The following LSAMP variants were observed in gnomAD, a reference collection of about 807,000 sequenced individuals.
LSAMP encodes limbic system-associated membrane protein.
Under a neutral mutation model 38.6 loss-of-function variants are expected in LSAMP, and 7 were observed. The ratio of observed to expected loss-of-function variants is 0.18; its 90% CI spans 0.10 to 0.34. LSAMP has a LOEUF of 0.34. Ranked by LOEUF, LSAMP falls within the 10% of genes least tolerant of loss-of-function variation. LSAMP has a pLI of 1.00. For missense variants in LSAMP, 313 were observed against 420.0 expected, an observed-to-expected ratio of 0.75 and a Z score of 2.23; for synonymous variants, 154 against 166.8, an observed-to-expected ratio of 0.92 and a Z score of 0.59.
chr3:116,034,580 G>A lies in LSAMP; in HGVS notation c.389-14940C>T, dbSNP rs150452575. 2.4e-3 allele frequency among the ~76,000 whole-genome samples: 363 copies of A among 152,210 alleles called. 3 individuals are homozygous for A. The highest frequency in any genetic ancestry group is 8.3e-3 in the African/African-American group (346 of 41,538). On this transcript the variant is annotated intron_variant, in intron 2 of 6. Coordinates refer to ENST00000490035, the MANE Select transcript of LSAMP (RefSeq NM_002338.5). ...TTAGCTGTGTGATAAGGGAGTTAACGAATCTTCAATACCATGTGTAAAATT... is the reference window on the plus strand; with the variant it reads ...TTAGCTGTGTGATAAGGGAGTTAACAAATCTTCAATACCATGTGTAAAATT...
intron 1 of LSAMP, among the ~76,000 whole-genome samples, chr3:116,426,658 A>C (rs1435797638): frequency 1.3e-5 from 2 of 152,118 alleles, no homozygotes. Context: ...CCCAAACAGC[A>C]TTGCAGCACA....
intron 1 of LSAMP, among the ~76,000 whole-genome samples, chr3:116,304,628 A>C (rs1324488908): frequency 6.6e-6 from 1 of 152,152 alleles, no homozygotes; most frequent in Admixed American, 6.6e-5. Context: ...AGGTGCATGG[A>C]AAGTCAGATG....
At chr3:116,251,075 C>T (rs2046678550) in intron 1 of LSAMP, among the ~76,000 whole-genome samples, 1 of 152,210 alleles carries the variant, frequency 6.6e-6, no homozygotes, top group African/African-American at 2.4e-5. Context: ...TCACTACCCT[C>T]TTTGCTAAGA....
At chr3:116,207,011 G>A (rs1049855979) in intron 1 of LSAMP, among the ~76,000 whole-genome samples, 10 of 150,858 alleles carry the variant, frequency 6.6e-5, no homozygotes, top group African/African-American at 1.2e-4. Context: ...GGGTGTTAAA[G>A]TCTCCCATTA....
intron 6 of LSAMP, among the ~76,000 whole-genome samples, chr3:115,819,853 G>A (rs1312829341): frequency 1.3e-5 from 2 of 151,970 alleles, no homozygotes; most frequent in Non-Finnish European, 2.9e-5. Context: ...TCTTATTTTG[G>A]ACTCTTATTT....
chr3:115,811,708 C>T (rs911593714), intron 6 of LSAMP, among the ~76,000 whole-genome samples: 11 of 152,136 alleles, frequency 7.2e-5, no homozygotes. Flanking sequence ...ATTCCATGGT[C>T]TCCTAATCTA....
At chr3:116,146,360 T>C (rs1709490105) in intron 1 of LSAMP, among the ~76,000 whole-genome samples, 1 of 151,984 alleles carries the variant, frequency 6.6e-6, no homozygotes, top group Non-Finnish European at 1.5e-5. Flanking sequence ...TTCAGCTCTT[T>C]GCTACTTTTA....
intron 1 of LSAMP, among the ~76,000 whole-genome samples, chr3:116,357,844 T>G (rs911943772): frequency 6.6e-6 from 1 of 150,594 alleles, no homozygotes; most frequent in African/African-American, 2.4e-5. Context: ...CAACAGAAAA[T>G]CTTCCCTGGG....
At chr3:116,326,693 T>A (rs79626639) in intron 1 of LSAMP, among the ~76,000 whole-genome samples, 3,944 of 152,238 alleles carry the variant, frequency 0.026, 164 homozygotes, top group African/African-American at 0.086. Context: ...AATGAGGAAA[T>A]TGGTCATGGT....
chr3:116,230,021 A>C (rs2107626338), intron 1 of LSAMP, among the ~76,000 whole-genome samples: 1 of 152,316 alleles, frequency 6.6e-6, no homozygotes, highest in South Asian at 2.1e-4. Context: ...AAGCAGAGAA[A>C]GAGGCACAGA....
rs193226948 is a variant in LSAMP, at chr3:116,393,125, G to A, written c.155+51752C>T. On this transcript the variant is annotated intron_variant, in intron 1 of 6. Transcript: ENST00000490035. ...AAGAACTTGGGACCTGCTGAATGTC[G>A]AGGCTAAAAGAGCTGTAACACACAC... Among the ~76,000 whole-genome samples, 6 of 152,182 alleles carry A rather than the reference G, an allele frequency of 3.9e-5. No individual in the cohort carries two copies. In the East Asian group the frequency reaches 9.7e-4, roughly 25 times the overall value.
At chr3:115,843,502 T>C (rs572415706) in intron 4 of LSAMP, among the ~76,000 whole-genome samples, 1 of 152,298 alleles carries the variant, frequency 6.6e-6, no homozygotes, top group African/African-American at 2.4e-5. Flanking sequence ...GCCTTTCCTG[T>C]CCAAAGGTTG....
At chr3:116,209,536 G>A (rs893537126) in intron 1 of LSAMP, among the ~76,000 whole-genome samples, 7 of 152,202 alleles carry the variant, frequency 4.6e-5, no homozygotes, top group Non-Finnish European at 8.8e-5. Context: ...AGCCAGTAAG[G>A]TTCAAATTGA....
intron 4 of LSAMP, among the ~76,000 whole-genome samples, chr3:115,843,125 T>C (rs1935046660): frequency 6.6e-6 from 1 of 152,230 alleles, no homozygotes; most frequent in African/African-American, 2.4e-5. Flanking sequence ...ATTAGGTGAC[T>C]ACCTTCTTTT....
intron 2 of LSAMP, among the ~76,000 whole-genome samples, chr3:116,025,396 TCTTA>T (rs1940762756): frequency 6.6e-6 from 1 of 152,148 alleles, no homozygotes; most frequent in Non-Finnish European, 1.5e-5. Context: ...ATTCTTTGGC[TCTTA>T]CTTTTTTGTT....
chr3:115,915,423 T>A (rs1937228914), intron 3 of LSAMP, among the ~76,000 whole-genome samples: 1 of 152,196 alleles, frequency 6.6e-6, no homozygotes, highest in South Asian at 2.1e-4. Context: ...ACTAGGTCAG[T>A]TCCTTCCTTT....
At chr3:116,108,529 C>T (rs965843737) in intron 1 of LSAMP, among the ~76,000 whole-genome samples, 45 of 152,058 alleles carry the variant, frequency 3.0e-4, no homozygotes, top group African/African-American at 9.4e-4. Context: ...ACCTGAAGCT[C>T]GGCGTCCGTG....
At chr3:116,206,073 A>G (rs1403428321) in intron 1 of LSAMP, among the ~76,000 whole-genome samples, 1 of 151,748 alleles carries the variant, frequency 6.6e-6, no homozygotes, top group African/African-American at 2.4e-5. Flanking sequence ...TATTGCCACA[A>G]TTTCAGCTCC....
chr3:116,165,490 A>G (rs1710027927), intron 1 of LSAMP, among the ~76,000 whole-genome samples: 1 of 152,212 alleles, frequency 6.6e-6, no homozygotes, highest in Non-Finnish European at 1.5e-5. Flanking sequence ...TGAGGTAGAT[A>G]GATTAAAACT....
Sources: gnomAD v4.1 joint callset for allele counts (sites outside exome capture counted in the v4.1 genomes callset) on GRCh38, gnomAD v4.1.1 for gene constraint, MANE v1.5 for transcripts, NCBI Gene and HGNC (gene_info 2026-07-23, HGNC 2026-07-21) for gene names.